Variants in RNF114 observed in about 807,000 individuals in gnomAD.
RNF114 encodes ring finger protein 114.
RNF114 carries 6 observed loss-of-function variants against 28.4 expected under a neutral mutation model. That is an observed-to-expected ratio of 0.21 (90% CI 0.12 to 0.42). The LOEUF is 0.42. RNF114 is among the 10% of genes least tolerant of loss of function. RNF114 has a pLI of 1.00. For missense variants in RNF114, 249 were observed against 311.7 expected (o/e 0.80, Z 1.51); for synonymous variants, 115 against 116.7 (o/e 0.99, Z 0.09).
At chr20:49,940,384 A>G (rs959487881) in intron 1 of RNF114, among the ~76,000 whole-genome samples, 2 of 148,580 alleles carry the variant, frequency 1.3e-5, no homozygotes, top group Non-Finnish European at 3.0e-5. Context: ...CCTCAGGTTC[A>G]TGAACTACAA....
intron 4 of RNF114, among the ~76,000 whole-genome samples, chr20:49,947,641 G>C (rs2090338227): frequency 6.6e-6 from 1 of 151,882 alleles, no homozygotes; most frequent in Non-Finnish European, 1.5e-5. Flanking sequence ...AACTTTTCTG[G>C]TATGGCAGCC....
At chr20:49,949,570 C>G (rs1176410199) in intron 5 of RNF114, among the ~76,000 whole-genome samples, 1 of 152,144 alleles carries the variant, frequency 6.6e-6, no homozygotes. Context: ...AGCTGGGGAG[C>G]TAGATGGGCT....
chr20:49,936,809 G>T (rs2090289026), intron 1 of RNF114, among the ~76,000 whole-genome samples: 1 of 152,146 alleles, frequency 6.6e-6, no homozygotes, highest in Non-Finnish European at 1.5e-5. Context: ...GATGTTCCAG[G>T]CGGCCTGTCA....
intron 2 of RNF114, among the ~76,000 whole-genome samples, chr20:49,943,026 T>TC (rs1273395183): frequency 6.6e-6 from 1 of 151,936 alleles, no homozygotes; most frequent in African/African-American, 2.4e-5. Flanking sequence ...AGGTTTTTTT[T>TC]CTCTTACATA....
intron 2 of RNF114, among the ~76,000 whole-genome samples, chr20:49,942,716 C>G (rs867897313): frequency 3.3e-5 from 5 of 151,950 alleles, no homozygotes; most frequent in African/African-American, 7.3e-5. Context: ...CTCAACTGTT[C>G]GGGAGGCTGA....
Position 49,952,310 on chromosome 20 carries a change from TCTTCC to T in RNF114, c.*173_*177del. The T allele has an allele frequency of 1.6e-6, 1 of 636,770 alleles. No homozygotes were observed. Among genetic ancestry groups the T allele is most frequent in the East Asian group, 2.7e-5 (1 of 36,474 alleles). 39.4% of individuals were successfully genotyped at this position (636,770 alleles called of 1,614,324 possible). A position where few individuals can be genotyped will look rare whatever the true frequency, so the allele number is the denominator to read the frequency against. On this transcript the variant is annotated 3_prime_UTR_variant, in exon 6 of 6. Transcript: ENST00000244061. ...AAGTGGGTCCCCAGGTCAGCCCTTC[TCTTCC>T]CTTTGGGCTCTTGCCAAAGCTGTCT...
rs770608082 is a variant in RNF114, at chr20:49,952,415, G to A, written c.*274G>A. 12 of 520,936 alleles carry A rather than the reference G, an allele frequency of 2.3e-5. No homozygotes were observed. The highest frequency in any genetic ancestry group is 4.1e-5 in the Non-Finnish European group (12 of 291,428). The allele number at this position is 520,936 out of a possible 1,614,324, so 32.3% of individuals were successfully genotyped here. A position where few individuals can be genotyped will look rare whatever the true frequency, so the allele number is the denominator to read the frequency against. On this transcript the variant is annotated 3_prime_UTR_variant, in exon 6 of 6. Transcript: ENST00000244061. ...TCGGCTACTTCCTGGAGCTTCTGCC[G>A]CCTCCTGTGGAAGATAATCTAGCTT...
intron 1 of RNF114, 91 bp downstream of exon 1, chr20:49,936,643 A>G: frequency 6.8e-7 from 1 of 1,479,458 alleles, no homozygotes. Flanking sequence ...CGGGAGCCAG[A>G]GGACCCACCC....
At chr20:49,951,264 T>A (rs2090354151) in intron 5 of RNF114, among the ~76,000 whole-genome samples, 1 of 151,640 alleles carries the variant, frequency 6.6e-6, no homozygotes, top group Admixed American at 6.6e-5. Context: ...CTGCCCTTTT[T>A]GTTAATGTGA....
chr20:49,948,057 T>C (rs1244759721), intron 4 of RNF114, among the ~76,000 whole-genome samples: 1 of 151,980 alleles, frequency 6.6e-6, no homozygotes, highest in African/African-American at 2.4e-5. Flanking sequence ...CCCAAAGTGC[T>C]GGGATTACAG....
Position 49,936,446 on chromosome 20 carries a change from G to A in RNF114, c.34G>A (p.Ala12Thr). The change falls in exon 1 of 6, where the codon GCG (alanine) becomes ACG (threonine). Residue 12 changes from alanine to threonine, a missense_variant. This residue lies in a region of RNF114 where 123 missense variants were observed against 106.4 expected (regional missense o/e 1.16). Transcript: ENST00000244061. ...AAQQRDCGGA[A>T]QLAGPAAEAD... ...GCAACAGCGGGACTGCGGGGGTGCT[G>A]CGCAGCTGGCGGGGCCGGCGGCGGA... 1.9e-6 allele frequency: 3 copies of A among 1,547,636 alleles called. No homozygotes were observed. The highest frequency in any genetic ancestry group is 1.4e-5 in the African/African-American group (1 of 71,740).
intron 2 of RNF114, among the ~76,000 whole-genome samples, chr20:49,943,710 G>A (rs1346997373): frequency 7.8e-6 from 1 of 127,684 alleles, no homozygotes; most frequent in Non-Finnish European, 1.6e-5. Context: ...CCAGGCTGGA[G>A]TACAGTGGCG....
intron 3 of RNF114, among the ~76,000 whole-genome samples, chr20:49,945,908 C>G (rs987598358): frequency 6.6e-6 from 1 of 152,134 alleles, no homozygotes; most frequent in Non-Finnish European, 1.5e-5. Context: ...TCAGGTGATC[C>G]GCCTGCTTTG....
intron 2 of RNF114, among the ~76,000 whole-genome samples, chr20:49,943,034 A>G (rs1297725831): frequency 2.0e-5 from 3 of 150,992 alleles, no homozygotes; most frequent in East Asian, 1.9e-4. Flanking sequence ...TTTCTCTTAC[A>G]TATTGGACAG....
chr20:49,940,564 G>A (rs1321868410), intron 1 of RNF114, among the ~76,000 whole-genome samples: 3 of 151,948 alleles, frequency 2.0e-5, no homozygotes, highest in Non-Finnish European at 2.9e-5. Context: ...ACAGGCACCC[G>A]CCACCACTCC....
chr20:49,945,704 T>C (rs1202269112), intron 3 of RNF114, among the ~76,000 whole-genome samples: 2 of 152,210 alleles, frequency 1.3e-5, no homozygotes, highest in African/African-American at 2.4e-5. Flanking sequence ...CTCGCTCTGT[T>C]GCCCAGGCTG....
chr20:49,937,480 G>C (rs1220556228), intron 1 of RNF114, among the ~76,000 whole-genome samples: 1 of 152,164 alleles, frequency 6.6e-6, no homozygotes, highest in African/African-American at 2.4e-5. Flanking sequence ...CCCTGCAGCG[G>C]GGGAGGGTTG....
In RNF114 at chr20:49,945,370, T is replaced by G. The variant is rs375517144; in HGVS notation, c.292-12T>G. 6.1e-5 allele frequency: 96 copies of G among 1,571,554 alleles called. No individual in the cohort carries two copies. The highest frequency in any genetic ancestry group is 3.3e-5 in the Admixed American group (2 of 59,914). On this transcript the variant is annotated splice_polypyrimidine_tract_variant and intron_variant, in intron 2 of 5. Transcript: ENST00000244061. ...CTCACTAACTTATGGGCTCTGATTC[T>G]TCCTATTTGAGTTCTTCCTGTCCAA...
At chr20:49,947,527 C>G (rs1490026722) in intron 4 of RNF114, among the ~76,000 whole-genome samples, 7 of 152,040 alleles carry the variant, frequency 4.6e-5, no homozygotes, top group Admixed American at 3.9e-4. Flanking sequence ...AGAAACATAT[C>G]TTTGCCTGTA....
Sources: allele counts gnomAD v4.1 joint callset (sites outside exome capture counted in the v4.1 genomes callset), GRCh38; gene constraint gnomAD v4.1.1; regional missense constraint gnomAD v4.1.1; transcripts MANE v1.5; gene names NCBI Gene and HGNC (gene_info 2026-07-23, HGNC 2026-07-21).